Variants in TIGAR observed in about 807,000 individuals in gnomAD.
TIGAR encodes fructose-2,6-bisphosphatase TIGAR.
A neutral mutation model predicts 17.9 loss-of-function variants in TIGAR; 7 were observed. That is an observed-to-expected ratio of 0.39 (90% CI 0.22 to 0.73). The LOEUF (loss-of-function observed/expected upper bound fraction) is 0.73, where lower values mean the gene tolerates loss of function less well. Ranked by LOEUF, TIGAR falls within the 30% of genes least tolerant of loss-of-function variation. The probability of loss-of-function intolerance (pLI) is 0.42; values close to 1 mark genes in which losing one functional copy is unlikely to be tolerated. For missense variants in TIGAR, 258 were observed against 327.4 expected, an observed-to-expected ratio of 0.79 and a Z score of 1.64; for synonymous variants, 94 against 108.6, an observed-to-expected ratio of 0.87 and a Z score of 0.84.
Position 4,358,947 on chromosome 12 carries a change from C to A in TIGAR, c.*6256C>A, listed in dbSNP as rs143735076. ...CTTGTGGTTTTTTTTCCTGACATAT[C>A]CTCATTATTAGATTTGGATTGTATA... On this transcript the variant is annotated 3_prime_UTR_variant, in exon 6 of 6. Transcript: ENST00000179259. Among the ~76,000 whole-genome samples the A allele has an allele frequency of 4.5e-4, 69 of 151,836 alleles. 1 individual carries two copies. The highest frequency in any genetic ancestry group is 1.6e-3 in the African/African-American group (67 of 41,390).
At chr12:4,347,338 A>G (rs1253180915) in intron 3 of TIGAR, among the ~76,000 whole-genome samples, 1 of 152,172 alleles carries the variant, frequency 6.6e-6, no homozygotes, top group Non-Finnish European at 1.5e-5. Flanking sequence ...TTGTTGGAGC[A>G]AAAAATTAAA....
In TIGAR at chr12:4,358,408, C is replaced by T. The variant is rs989866155; in HGVS notation, c.*5717C>T. Among the ~76,000 whole-genome samples, 4 of 152,038 alleles carry T rather than the reference C, an allele frequency of 2.6e-5. No homozygotes were observed. Among genetic ancestry groups the T allele is most frequent in the Admixed American group, 2.6e-4 (4 of 15,268 alleles). ...TTTTATCTTGGATTTATCAAACCTA[C>T]AGAAAAGTTGCAAGAACAGTAGAAG... On this transcript the variant is annotated 3_prime_UTR_variant, in exon 6 of 6. Transcript: ENST00000179259.
chr12:4,332,029 T>G (rs1864608515), intron 2 of TIGAR, among the ~76,000 whole-genome samples: 1 of 152,184 alleles, frequency 6.6e-6, no homozygotes, highest in Non-Finnish European at 1.5e-5. Flanking sequence ...ACCTTTGTTT[T>G]CAGACGAAAT....
At position 4,355,358 on chromosome 12, in the gene TIGAR, A is replaced by G. The variant is rs1864888226; in HGVS notation, c.*2667A>G. 1.3e-5 allele frequency among the ~76,000 whole-genome samples: 2 copies of G among 150,528 alleles called. No individual in the cohort carries two copies. The highest frequency in any genetic ancestry group is 2.1e-4 in the South Asian group (1 of 4,760). ...CCCCCTCATTTGCTAGAGTCTGTGGACTCTTTTAGTTATCTGTGTATTTCC... is the reference window on the plus strand; with the variant it reads ...CCCCCTCATTTGCTAGAGTCTGTGGGCTCTTTTAGTTATCTGTGTATTTCC... On this transcript the variant is annotated 3_prime_UTR_variant, in exon 6 of 6. Transcript: ENST00000179259.
chr12:4,337,257 C>T, intron 3 of TIGAR, 97 bp downstream of exon 3: 1 of 875,950 alleles, frequency 1.1e-6, no homozygotes, highest in Non-Finnish European at 1.6e-6. Flanking sequence ...ACCTCCATCT[C>T]CCGGGTTCAA....
At chr12:4,325,932 C>T (rs1864542291) in intron 1 of TIGAR, among the ~76,000 whole-genome samples, 1 of 152,120 alleles carries the variant, frequency 6.6e-6, no homozygotes, top group Non-Finnish European at 1.5e-5. Flanking sequence ...TCCTTTGTAG[C>T]ACGCTGAGTA....
At position 4,325,660 on chromosome 12, in the gene TIGAR, T is replaced by C. The variant is rs1215947281; in HGVS notation, c.32+4357T>C. Reference sequence around the variant, plus strand: ...GGGAGGCTGAGGCAGGAGAATCTCTTGAACCCGGGAGGTAGAGGTTGCAGT... The same window carrying C: ...GGGAGGCTGAGGCAGGAGAATCTCTCGAACCCGGGAGGTAGAGGTTGCAGT... On this transcript the variant is annotated intron_variant, in intron 1 of 5. Transcript: ENST00000179259. Among the ~76,000 whole-genome samples the C allele has an allele frequency of 2.0e-5, 3 of 150,456 alleles. No individual in the cohort carries two copies. In the East Asian group the frequency reaches 5.9e-4, roughly 30 times the overall value.
At position 4,357,616 on chromosome 12, in the gene TIGAR, TA is replaced by T. The variant is rs758958974; in HGVS notation, c.*4927del. On this transcript the variant is annotated 3_prime_UTR_variant, in exon 6 of 6. Coordinates refer to ENST00000179259, the MANE Select transcript of TIGAR (RefSeq NM_020375.3). ...TGGCTAAGTAGGTCGTCATGACAGGTAACTACCAGTGCTTTAAAAACTTTAG... is the reference window on the plus strand; with the variant it reads ...TGGCTAAGTAGGTCGTCATGACAGGTACTACCAGTGCTTTAAAAACTTTAG... Among the ~76,000 whole-genome samples, 6 of 152,214 alleles carry T rather than the reference TA, an allele frequency of 3.9e-5. No homozygotes were observed. The highest frequency in any genetic ancestry group is 8.8e-5 in the Non-Finnish European group (6 of 68,028).
chr12:4,322,005 T>TTA (rs1007974783), intron 1 of TIGAR, among the ~76,000 whole-genome samples: 36 of 152,098 alleles, frequency 2.4e-4, no homozygotes, highest in African/African-American at 8.7e-4. Flanking sequence ...TTTATTTTTT[T>TTA]TTTTTTGTGA....
Position 4,337,123 on chromosome 12 carries a change from C to T in TIGAR, c.155C>T (p.Thr52Ile). 1.2e-6 allele frequency: 2 copies of T among 1,613,420 alleles called. No homozygotes were observed. The highest frequency in any genetic ancestry group is 1.1e-5 in the South Asian group (1 of 91,054). ...ATATTTCTGAATAATGTGAAGTTTA[C>T]TCATGCTTTCTCCAGTGATCTCATG... ...AGIFLNNVKFTHAFSSDLMRT... is the reference protein window; with the variant it reads ...AGIFLNNVKFIHAFSSDLMRT... Residue 52 changes from threonine (T) to isoleucine (I), a missense_variant, in exon 3 of 6, where the codon ACT becomes ATT. Thr to Ile is a moderately conservative substitution (Grantham distance 89). Transcript: ENST00000179259.
At chr12:4,347,494 G>A (rs1479890781) in intron 3 of TIGAR, among the ~76,000 whole-genome samples, 3 of 151,512 alleles carry the variant, frequency 2.0e-5, no homozygotes, top group Non-Finnish European at 4.4e-5. Context: ...AGCGCAACAG[G>A]GTGGCTATAG....
intron 1 of TIGAR, chr12:4,324,659 G>A (rs1201808932): frequency 1.5e-5 from 18 of 1,240,774 alleles, no homozygotes; most frequent in African/African-American, 4.4e-5. Context: ...TTCTGTTTCC[G>A]CCGCAGGCCC....
chr12:4,324,210 A>G (rs1360930320), intron 1 of TIGAR, among the ~76,000 whole-genome samples: 1 of 152,208 alleles, frequency 6.6e-6, no homozygotes, highest in African/African-American at 2.4e-5. Context: ...GAAAACTCCA[A>G]CACGTGTAGG....
Position 4,355,009 on chromosome 12 carries a change from G to T in TIGAR, c.*2318G>T, listed in dbSNP as rs1205443781. ...GCCTTCCAAAGTGCTGGGATTGCAG[G>T]CATAAGCCACCGTGCCTGGCCTATG... On this transcript the variant is annotated 3_prime_UTR_variant, in exon 6 of 6. Coordinates refer to ENST00000179259, the MANE Select transcript of TIGAR (RefSeq NM_020375.3). 2.0e-5 allele frequency among the ~76,000 whole-genome samples: 3 copies of T among 151,756 alleles called. No homozygotes were observed. The highest frequency in any genetic ancestry group is 7.3e-5 in the African/African-American group (3 of 41,296).
At position 4,358,341 on chromosome 12, in the gene TIGAR, G is replaced by A. The variant is rs983004251; in HGVS notation, c.*5650G>A. Reference sequence around the variant, plus strand: ...CACTGAGCTACTGTATCCTCATAGAGAATAATTACAGTAATGTGTATGTGC... The same window carrying A: ...CACTGAGCTACTGTATCCTCATAGAAAATAATTACAGTAATGTGTATGTGC... On this transcript the variant is annotated 3_prime_UTR_variant, in exon 6 of 6. Transcript: ENST00000179259. 2.5e-4 allele frequency among the ~76,000 whole-genome samples: 38 copies of A among 151,444 alleles called. No homozygotes were observed. Among genetic ancestry groups the A allele is most frequent in the Non-Finnish European group, 4.7e-4 (32 of 67,934 alleles).
chr12:4,344,170 A>G (rs1187836184), intron 3 of TIGAR, among the ~76,000 whole-genome samples: 2 of 152,224 alleles, frequency 1.3e-5, no homozygotes, highest in Non-Finnish European at 2.9e-5. Context: ...TCCCAAGACT[A>G]AAACAGGAAG....
chr12:4,346,051 A>G (rs1191429770), intron 3 of TIGAR, among the ~76,000 whole-genome samples: 1 of 152,234 alleles, frequency 6.6e-6, no homozygotes, highest in Non-Finnish European at 1.5e-5. Context: ...CAAAACCACA[A>G]TGAGATACCG....
chr12:4,330,087 G>A (rs1864588154), intron 1 of TIGAR, among the ~76,000 whole-genome samples: 1 of 152,080 alleles, frequency 6.6e-6, no homozygotes, highest in Non-Finnish European at 1.5e-5. Flanking sequence ...GCATACAGCT[G>A]TTTTTGTAAA....
chr12:4,348,472 T>C (rs1349256049), intron 3 of TIGAR, among the ~76,000 whole-genome samples: 1 of 152,260 alleles, frequency 6.6e-6, no homozygotes, highest in Non-Finnish European at 1.5e-5. Context: ...ATTGATGATT[T>C]CTTTATTGTG....
Sources: gnomAD v4.1 joint callset for allele counts (sites outside exome capture counted in the v4.1 genomes callset) on GRCh38, gnomAD v4.1.1 for gene constraint, MANE v1.5 for transcripts, NCBI Gene and HGNC (gene_info 2026-07-23, HGNC 2026-07-21) for gene names.